Variants in ZNF385D observed in about 807,000 individuals in gnomAD.
ZNF385D encodes the protein zinc finger protein 659.
Under a neutral mutation model 35.8 loss-of-function variants are expected in ZNF385D, and 15 were observed. The observed-to-expected ratio is 0.42, with a 90% CI of 0.28 to 0.64. The LOEUF (loss-of-function observed/expected upper bound fraction) is 0.64, where lower values mean the gene tolerates loss of function less well. Ranked by LOEUF, ZNF385D falls within the 30% of genes least tolerant of loss-of-function variation. The probability of loss-of-function intolerance (pLI) is 0.23; values close to 1 mark genes in which losing one functional copy is unlikely to be tolerated. For synonymous variants in ZNF385D, 212 were observed against 186.8 expected, an observed-to-expected ratio of 1.13 and a Z score of -1.10; for missense variants, 474 against 494.6, an observed-to-expected ratio of 0.96 and a Z score of 0.39.
At chr3:21,934,059 TAGAA>T (rs1472686106) in intron 3 of ZNF385D, among the ~76,000 whole-genome samples, 1 of 152,118 alleles carries the variant, frequency 6.6e-6, no homozygotes, top group Non-Finnish European at 1.5e-5. Context: ...AATGAAAATT[TAGAA>T]AGAAATCATT....
chr3:21,583,368 T>C (rs1188275427), intron 2 of ZNF385D, among the ~76,000 whole-genome samples: 2 of 152,198 alleles, frequency 1.3e-5, no homozygotes, highest in Non-Finnish European at 2.9e-5. Flanking sequence ...ATAGGGGCTC[T>C]TAGAATATAC....
At chr3:21,506,648 G>C (rs1393120146) in intron 4 of ZNF385D, among the ~76,000 whole-genome samples, 2 of 152,128 alleles carry the variant, frequency 1.3e-5, no homozygotes. Flanking sequence ...ACACTTGCTA[G>C]ATTAGACAAT....
chr3:22,324,519 T>C (rs933485605), intron 2 of ZNF385D, among the ~76,000 whole-genome samples: 2 of 152,098 alleles, frequency 1.3e-5, no homozygotes, highest in Non-Finnish European at 2.9e-5. Context: ...TGAAGATATA[T>C]AAAAATTTAC....
chr3:21,761,911 G>T (rs984461159), intron 3 of ZNF385D, among the ~76,000 whole-genome samples: 6 of 109,054 alleles, frequency 5.5e-5, no homozygotes, highest in East Asian at 3.1e-4. Flanking sequence ...ACGGAGTCTC[G>T]CTCTGTCACC....
At chr3:22,267,182 G>A (rs1221237402) in intron 2 of ZNF385D, among the ~76,000 whole-genome samples, 1 of 151,884 alleles carries the variant, frequency 6.6e-6, no homozygotes, top group Non-Finnish European at 1.5e-5. Context: ...ACATCTATGA[G>A]AAAGAGTATT....
chr3:22,134,114 A>G (rs914749635), intron 3 of ZNF385D: 1 of 152,166 alleles, frequency 6.6e-6, no homozygotes, highest in African/African-American at 2.4e-5. Flanking sequence ...TAAATTGCCT[A>G]AATACACCAA....
intron 3 of ZNF385D, among the ~76,000 whole-genome samples, chr3:22,009,759 T>C (rs540001859): frequency 1.3e-5 from 2 of 152,252 alleles, no homozygotes; most frequent in African/African-American, 2.4e-5. Flanking sequence ...AAAATCTGGA[T>C]AGTAGTCACT....
At chr3:21,820,224 C>A (rs1049859475) in intron 3 of ZNF385D, among the ~76,000 whole-genome samples, 10 of 151,622 alleles carry the variant, frequency 6.6e-5, no homozygotes, top group Admixed American at 6.6e-4. Context: ...TCAATAAAAT[C>A]GTCTCAATAC....
At chr3:22,125,161 T>C (rs1373476239) in intron 3 of ZNF385D, among the ~76,000 whole-genome samples, 13 of 152,186 alleles carry the variant, frequency 8.5e-5, no homozygotes, top group Admixed American at 7.9e-4. Flanking sequence ...AGCATCATTA[T>C]TGAAGAGACT....
chr3:22,005,368 A>G (rs996781483), intron 3 of ZNF385D, among the ~76,000 whole-genome samples: 1 of 152,084 alleles, frequency 6.6e-6, no homozygotes, highest in Non-Finnish European at 1.5e-5. Context: ...CATTATGGAA[A>G]ACAGTGTGGA....
intron 2 of ZNF385D, among the ~76,000 whole-genome samples, chr3:21,595,864 C>A (rs2064114496): frequency 6.6e-6 from 1 of 152,178 alleles, no homozygotes; most frequent in South Asian, 2.1e-4. Flanking sequence ...TCACGAAGGT[C>A]TAGAGTGATC....
intron 3 of ZNF385D, among the ~76,000 whole-genome samples, chr3:21,887,495 C>A (rs191988906): frequency 1.4e-3 from 209 of 152,194 alleles, no homozygotes; most frequent in African/African-American, 4.8e-3. Context: ...AAAAATAACA[C>A]TTTGTTTTAG....
intron 4 of ZNF385D, among the ~76,000 whole-genome samples, chr3:21,469,085 A>G (rs1703719328): frequency 6.6e-6 from 1 of 152,204 alleles, no homozygotes. Context: ...GAAAGTTTCT[A>G]TATCTTGACT....
At chr3:21,925,838 C>A (rs1199835336) in intron 3 of ZNF385D, among the ~76,000 whole-genome samples, 1 of 151,944 alleles carries the variant, frequency 6.6e-6, no homozygotes, top group Non-Finnish European at 1.5e-5. Context: ...AAACACCTTG[C>A]CAAAATGATA....
chr3:21,558,159 G>C (rs374462977), intron 3 of ZNF385D, among the ~76,000 whole-genome samples: 3 of 140,996 alleles, frequency 2.1e-5, no homozygotes, highest in African/African-American at 8.0e-5. Flanking sequence ...ATCTCCTTCA[G>C]TTCTGCTCTG....
chr3:21,872,968 C>G (rs1231350136), intron 3 of ZNF385D, among the ~76,000 whole-genome samples: 1 of 152,048 alleles, frequency 6.6e-6, no homozygotes, highest in Non-Finnish European at 1.5e-5. Flanking sequence ...ACAACTGTTA[C>G]CACTATTTCG....
At chr3:22,301,681 T>C (rs1043434880) in intron 2 of ZNF385D, among the ~76,000 whole-genome samples, 1 of 151,972 alleles carries the variant, frequency 6.6e-6, no homozygotes, top group Non-Finnish European at 1.5e-5. Flanking sequence ...ATTACAAAGA[T>C]AGTTGAATCC....
At chr3:21,665,730 C>T (rs1263284333) in intron 1 of ZNF385D, among the ~76,000 whole-genome samples, 1 of 152,172 alleles carries the variant, frequency 6.6e-6, no homozygotes, top group African/African-American at 2.4e-5. Flanking sequence ...AAGACATCCC[C>T]TTTGCATGCC....
intron 3 of ZNF385D, among the ~76,000 whole-genome samples, chr3:21,761,114 T>G (rs2070588862): frequency 6.6e-6 from 1 of 152,074 alleles, no homozygotes; most frequent in African/African-American, 2.4e-5. Flanking sequence ...AAGTGAAAAC[T>G]CCAGCCAAAG....
Sources: allele counts gnomAD v4.1 joint callset (sites outside exome capture counted in the v4.1 genomes callset), GRCh38; gene constraint gnomAD v4.1.1; transcripts MANE v1.5; gene names NCBI Gene and HGNC (gene_info 2026-07-23, HGNC 2026-07-21).